ZNF277: variants seen among roughly 807,000 people sequenced by gnomAD.
ZNF277 encodes the protein nuclear receptor-interacting factor 4.
Under a neutral mutation model 60.7 loss-of-function variants are expected in ZNF277, and 55 were observed. The observed-to-expected ratio is 0.91, with a 90% CI of 0.73 to 1.13. The LOEUF is 1.13. ZNF277 is among the 50% of genes most tolerant of loss of function. ZNF277 has a pLI of 0.00. For missense variants in ZNF277, 510 were observed against 523.0 expected, an observed-to-expected ratio of 0.98 and a Z score of 0.24; for synonymous variants, 178 against 179.3, an observed-to-expected ratio of 0.99 and a Z score of 0.06.
chr7:112,307,610 T>C (rs993663846), intron 4 of ZNF277, among the ~76,000 whole-genome samples: 2 of 151,828 alleles, frequency 1.3e-5, no homozygotes, highest in Non-Finnish European at 2.9e-5. Flanking sequence ...AGACGGGGTT[T>C]CACCATGTTG....
At chr7:112,259,215 A>C (rs986671272) in intron 1 of ZNF277, among the ~76,000 whole-genome samples, 1 of 152,166 alleles carries the variant, frequency 6.6e-6, no homozygotes, top group Non-Finnish European at 1.5e-5. Context: ...TAATAAAATA[A>C]AATACAATAA....
At chr7:112,211,002 C>A (rs1486624429) in intron 1 of ZNF277, among the ~76,000 whole-genome samples, 1 of 152,212 alleles carries the variant, frequency 6.6e-6, no homozygotes, top group African/African-American at 2.4e-5. Flanking sequence ...GAGTATTAAT[C>A]TGTATCTCCA....
chr7:112,227,860 A>G (rs1181902818), intron 1 of ZNF277, among the ~76,000 whole-genome samples: 2 of 152,026 alleles, frequency 1.3e-5, no homozygotes, highest in African/African-American at 4.8e-5. Flanking sequence ...ATCTGGAGAA[A>G]TCTCATCAAC....
At chr7:112,288,268 G>A (rs1041299031) in intron 2 of ZNF277, 10 of 152,152 alleles carry the variant, frequency 6.6e-5, no homozygotes, top group African/African-American at 2.2e-4. Context: ...ATAAAATTTG[G>A]TGTATCTGGT....
chr7:112,219,958 C>T (rs1050858633), intron 1 of ZNF277, among the ~76,000 whole-genome samples: 10 of 152,200 alleles, frequency 6.6e-5, no homozygotes, highest in African/African-American at 1.4e-4. Context: ...TAGATTACTA[C>T]GGTTTGGTAG....
At chr7:112,275,746 C>T in intron 1 of ZNF277, among the ~76,000 whole-genome samples, 1 of 144,164 alleles carries the variant, frequency 6.9e-6, no homozygotes, top group Non-Finnish European at 1.5e-5. Flanking sequence ...GTAGACACCA[C>T]TGATTCCTCT....
intron 10 of ZNF277, among the ~76,000 whole-genome samples, 153 bp from the exon 11 acceptor site, chr7:112,340,719 G>A (rs1285565296): frequency 6.6e-6 from 1 of 152,144 alleles, no homozygotes; most frequent in Non-Finnish European, 1.5e-5. Context: ...GTAAATATGT[G>A]CTGTTATTAT....
At chr7:112,296,908 A>ATTTATTTTTTTATTT (rs1792356675) in intron 4 of ZNF277, among the ~76,000 whole-genome samples, 1 of 37,186 alleles carries the variant, frequency 2.7e-5, no homozygotes, top group Non-Finnish European at 4.7e-5. Context: ...TTATTTATTT[A>ATTTATTTTTTTATTT]TTTATTTTTT....
chr7:112,273,050 T>G (rs1343243473), intron 1 of ZNF277, among the ~76,000 whole-genome samples: 1 of 152,174 alleles, frequency 6.6e-6, no homozygotes, highest in African/African-American at 2.4e-5. Flanking sequence ...CACAAGCACT[T>G]CCTTAGACAC....
At chr7:112,269,287 T>A (rs1214575072) in intron 1 of ZNF277, among the ~76,000 whole-genome samples, 1 of 151,982 alleles carries the variant, frequency 6.6e-6, no homozygotes, top group African/African-American at 2.4e-5. Flanking sequence ...CTTTTTTCCA[T>A]GAATGAATAC....
At chr7:112,308,998 CT>C (rs1315839868) in intron 4 of ZNF277, among the ~76,000 whole-genome samples, 1 of 151,958 alleles carries the variant, frequency 6.6e-6, no homozygotes, top group Non-Finnish European at 1.5e-5. Flanking sequence ...TTCTGTTTAT[CT>C]TTGTGTCTTC....
chr7:112,220,023 G>A (rs1174319875), intron 1 of ZNF277, among the ~76,000 whole-genome samples: 2 of 152,170 alleles, frequency 1.3e-5, no homozygotes, highest in Non-Finnish European at 2.9e-5. Flanking sequence ...GCTCAACATT[G>A]CTTTGGCTAT....
intron 7 of ZNF277, among the ~76,000 whole-genome samples, chr7:112,331,520 C>G (rs1385372091): frequency 6.6e-6 from 1 of 152,038 alleles, no homozygotes; most frequent in East Asian, 1.9e-4. Context: ...ACAAGCATAT[C>G]CTGAATTATG....
chr7:112,303,844 T>C (rs2117089296), intron 4 of ZNF277, among the ~76,000 whole-genome samples: 2 of 152,254 alleles, frequency 1.3e-5, no homozygotes, highest in African/African-American at 4.8e-5. Context: ...CTTAAAAAGC[T>C]ATCTCAGTGA....
chr7:112,343,325 A>G lies in ZNF277; in HGVS notation c.*596A>G, dbSNP rs1442029586. ...TCTGCCTAGGGTGGCCAAATTCCCT[A>G]GAAATAGACATCAAGCCAGTTAACT... On this transcript the variant is annotated 3_prime_UTR_variant, in exon 12 of 12. Coordinates refer to ENST00000361822, the MANE Select transcript of ZNF277 (RefSeq NM_021994.3). 6.6e-6 allele frequency among the ~76,000 whole-genome samples: 1 copy of G among 152,050 alleles called. No individual in the cohort carries two copies. Among genetic ancestry groups the G allele is most frequent in the Non-Finnish European group, 1.5e-5 (1 of 68,030 alleles).
intron 8 of ZNF277, 127 bp from the exon 9 acceptor site, chr7:112,337,603 C>T: frequency 3.0e-6 from 2 of 658,994 alleles, no homozygotes; most frequent in Non-Finnish European, 5.0e-6. Context: ...CAGTCTTTAC[C>T]AAAATGTCAG....
intron 1 of ZNF277, among the ~76,000 whole-genome samples, chr7:112,282,709 A>T (rs532025697): frequency 2.6e-5 from 4 of 152,248 alleles, no homozygotes; most frequent in Non-Finnish European, 5.9e-5. Context: ...GTCCATTCTC[A>T]TATCAGTTTA....
At chr7:112,303,617 T>C (rs1202181947) in intron 4 of ZNF277, among the ~76,000 whole-genome samples, 1 of 152,122 alleles carries the variant, frequency 6.6e-6, no homozygotes, top group Non-Finnish European at 1.5e-5. Context: ...AAAGTCCTTC[T>C]CTTCCTACCT....
At chr7:112,255,966 G>A (rs1014970864) in intron 1 of ZNF277, among the ~76,000 whole-genome samples, 19 of 151,956 alleles carry the variant, frequency 1.3e-4, no homozygotes, top group African/African-American at 3.1e-4. Flanking sequence ...ATTTTCTCTC[G>A]ACCTTGCACA....
Sources: allele counts gnomAD v4.1 joint callset (sites outside exome capture counted in the v4.1 genomes callset), GRCh38; gene constraint gnomAD v4.1.1; transcripts MANE v1.5; gene names NCBI Gene and HGNC (gene_info 2026-07-23, HGNC 2026-07-21).